PKHD1: variants seen among roughly 807,000 people sequenced by gnomAD.
The protein encoded by PKHD1 is PKHD1 ciliary IPT domain containing fibrocystin/polyductin.
In PKHD1, 291 loss-of-function variants were observed where a neutral mutation model predicts 412.0. The observed-to-expected ratio is 0.71, with a 90% confidence interval of 0.64 to 0.78. The LOEUF (loss-of-function observed/expected upper bound fraction) is 0.78, where lower values mean the gene tolerates loss of function less well. Ranked by LOEUF, PKHD1 falls within the 30% of genes least tolerant of loss-of-function variation. PKHD1 has a pLI of 0.00. For synonymous variants in PKHD1, 1,777 were observed against 1,821.5 expected (o/e 0.98, Z 0.62); for missense variants, 4,825 against 4,950.7 (o/e 0.97, Z 0.76).
intron 35 of PKHD1, among the ~76,000 whole-genome samples, chr6:52,001,278 C>T (rs116490310): frequency 0.02 from 3,045 of 152,074 alleles, 46 homozygotes; most frequent in South Asian, 0.047. Flanking sequence ...ATAATAATAA[C>T]AATACATTAA....
chr6:51,899,170 G>A (rs1280754938), intron 43 of PKHD1, among the ~76,000 whole-genome samples: 3 of 152,010 alleles, frequency 2.0e-5, no homozygotes, highest in Non-Finnish European at 4.4e-5. Flanking sequence ...AATTTATGAG[G>A]CCAGCATCAT....
At chr6:51,814,202 C>T (rs543458846) in intron 52 of PKHD1, among the ~76,000 whole-genome samples, 4 of 152,280 alleles carry the variant, frequency 2.6e-5, no homozygotes, top group African/African-American at 4.8e-5. Flanking sequence ...GTGTTAGAAA[C>T]ATTTTTAATT....
At chr6:51,915,076 C>CA in intron 37 of PKHD1, among the ~76,000 whole-genome samples, 1 of 152,076 alleles carries the variant, frequency 6.6e-6, no homozygotes. Context: ...AGGAAGTTTG[C>CA]ACAAAGAAAC....
intron 24 of PKHD1, among the ~76,000 whole-genome samples, chr6:52,045,761 A>C (rs903076508): frequency 6.6e-6 from 1 of 152,098 alleles, no homozygotes; most frequent in Non-Finnish European, 1.5e-5. Flanking sequence ...CTGACCAATA[A>C]CTTCACTACC....
intron 25 of PKHD1, 61 bp from the exon 26 acceptor site, chr6:52,043,791 A>G: frequency 8.6e-7 from 1 of 1,168,378 alleles, no homozygotes; most frequent in Non-Finnish European, 1.3e-6. Context: ...GGGTATTCAT[A>G]AAGTATATGT....
At chr6:51,644,052 G>GT (rs1195316527) in intron 63 of PKHD1, among the ~76,000 whole-genome samples, 1 of 152,140 alleles carries the variant, frequency 6.6e-6, no homozygotes, top group African/African-American at 2.4e-5. Context: ...GCTTTAAAAA[G>GT]TAAGGGTTTT....
At chr6:51,726,547 T>C (rs1052121818) in intron 60 of PKHD1, among the ~76,000 whole-genome samples, 3 of 152,156 alleles carry the variant, frequency 2.0e-5, no homozygotes, top group African/African-American at 7.2e-5. Flanking sequence ...TCCCTCTAAG[T>C]TCCCATTACC....
At chr6:51,822,742 C>T (rs1766652450) in intron 52 of PKHD1, among the ~76,000 whole-genome samples, 1 of 152,150 alleles carries the variant, frequency 6.6e-6, no homozygotes, top group Non-Finnish European at 1.5e-5. Context: ...CCCTGCTAAA[C>T]CTACTCCTTT....
intron 58 of PKHD1, among the ~76,000 whole-genome samples, chr6:51,747,525 C>T (rs1028509096): frequency 6.6e-6 from 1 of 152,058 alleles, no homozygotes; most frequent in Non-Finnish European, 1.5e-5. Flanking sequence ...GTCAAGATAG[C>T]AAGATCCCAT....
At chr6:51,720,607 T>C (rs1391311966) in intron 60 of PKHD1, among the ~76,000 whole-genome samples, 2 of 152,192 alleles carry the variant, frequency 1.3e-5, no homozygotes, top group Admixed American at 1.3e-4. Flanking sequence ...CAACTCACAT[T>C]GTCCCCACCA....
chr6:51,670,644 G>T (rs545364315), intron 60 of PKHD1, among the ~76,000 whole-genome samples: 1 of 151,964 alleles, frequency 6.6e-6, no homozygotes, highest in Non-Finnish European at 1.5e-5. Flanking sequence ...TCCTAGTCTC[G>T]ATGGTCTTTA....
chr6:52,047,309 C>A (rs1806015180), intron 23 of PKHD1, among the ~76,000 whole-genome samples: 1 of 152,166 alleles, frequency 6.6e-6, no homozygotes. Flanking sequence ...TCTTCGACTT[C>A]TCCTGAGTCA....
intron 37 of PKHD1, among the ~76,000 whole-genome samples, chr6:51,915,940 T>C (rs1209683854): frequency 1.3e-5 from 2 of 152,146 alleles, no homozygotes; most frequent in South Asian, 2.1e-4. Flanking sequence ...CCTCAGACAG[T>C]AAAATTTTTA....
rs137903185 is a variant in PKHD1 at position 51,831,926 on chromosome 6, G to A, written c.8174-937C>T. ...GAACCATATCTACTTGTTCTTTCCTGGGATGTGATTACTGGTACAGAGTTA... is the reference window on the plus strand; with the variant it reads ...GAACCATATCTACTTGTTCTTTCCTAGGATGTGATTACTGGTACAGAGTTA... On this transcript the variant is annotated intron_variant, in intron 51 of 66. Transcript: ENST00000371117. 1.5e-3 allele frequency among the ~76,000 whole-genome samples: 234 copies of A among 152,196 alleles called. 2 individuals carry two copies. The highest frequency in any genetic ancestry group is 5.3e-3 in the African/African-American group (222 of 41,540).
chr6:51,791,382 G>GA lies in PKHD1; in HGVS notation c.8303-10dup. The GA allele has an allele frequency of 2.5e-6, 4 of 1,613,074 alleles. No individual in the cohort carries two copies. The highest frequency in any genetic ancestry group is 3.4e-6 in the Non-Finnish European group (4 of 1,179,172). On this transcript the variant is annotated splice_polypyrimidine_tract_variant and intron_variant, in intron 52 of 66. Coordinates refer to ENST00000371117, the MANE Select transcript of PKHD1 (RefSeq NM_138694.4). ...CACAAGGACAGTTCTGTCTGTGGAA[G>GA]AAAAAGAAATTGCTCAGATATGTCA...
intron 53 of PKHD1, among the ~76,000 whole-genome samples, chr6:51,783,080 G>A (rs1268908616): frequency 1.3e-5 from 2 of 152,094 alleles, no homozygotes; most frequent in African/African-American, 4.8e-5. Flanking sequence ...ATGTGAGACA[G>A]GGCTGACAAA....
At chr6:51,665,821 T>A (rs920149516) in intron 60 of PKHD1, among the ~76,000 whole-genome samples, 19 of 152,178 alleles carry the variant, frequency 1.2e-4, no homozygotes, top group Admixed American at 1.2e-3. Context: ...GTAAGCTCTC[T>A]GAGAGGCTAA....
chr6:52,065,366 G>A (rs1651273703), intron 12 of PKHD1, among the ~76,000 whole-genome samples: 1 of 151,934 alleles, frequency 6.6e-6, no homozygotes, highest in Non-Finnish European at 1.5e-5. Context: ...GCAGCGTGGA[G>A]TATTCAGAAG....
Position 52,084,886 on chromosome 6 carries a change from C to T in PKHD1, c.48G>A (p.Leu16=). The T allele has an allele frequency of 6.3e-7, 1 of 1,598,522 alleles. No individual in the cohort carries two copies. Among genetic ancestry groups the T allele is most frequent in the East Asian group, 2.2e-5 (1 of 44,736 alleles). The stretch of plus-strand genomic sequence containing the variant: ...TTCAAAACACATTCTACTGACCTGC[C>T]AAAAGTAGTACTTCAATACTCATCA... The part of the protein sequence containing the change: ...ISLMSIEVLL[L]AVRHLSLHIE... The change falls in exon 2 of 67, where the codon TTG becomes TTA. Residue 16 remains leucine, a synonymous_variant. Coordinates refer to ENST00000371117, the MANE Select transcript of PKHD1 (RefSeq NM_138694.4).
Sources: gnomAD v4.1 joint callset for allele counts (sites outside exome capture counted in the v4.1 genomes callset) on GRCh38, gnomAD v4.1.1 for gene constraint, MANE v1.5 for transcripts, NCBI Gene and HGNC (gene_info 2026-07-23, HGNC 2026-07-21) for gene names.